Variants in NAV2 observed in about 807,000 individuals in gnomAD.
NAV2 encodes the protein neuron navigator 2.
Under a neutral mutation model 223.2 loss-of-function variants are expected in NAV2, and 54 were observed. The observed-to-expected ratio is 0.24, with a 90% confidence interval of 0.19 to 0.30. The LOEUF is 0.30. Among genes scored for constraint, NAV2 ranks in the 10% least tolerant of loss-of-function variants. The pLI, the probability that NAV2 is intolerant of heterozygous loss-of-function variation, is 1.00. For synonymous variants in NAV2, 1,279 were observed against 1,239.3 expected (o/e 1.03, Z -0.67); for missense variants, 2,806 against 3,147.5 (o/e 0.89, Z 2.60).
chr11:19,877,110 A>G (rs1311034499), intron 4 of NAV2, among the ~76,000 whole-genome samples: 6 of 152,068 alleles, frequency 3.9e-5, no homozygotes, highest in African/African-American at 1.2e-4. Flanking sequence ...ACCTAGATTC[A>G]AATCCCAGCT....
At chr11:20,051,419 T>G in intron 17 of NAV2, 86 bp downstream of exon 17, 4 of 1,289,608 alleles carry the variant, frequency 3.1e-6, no homozygotes, top group African/African-American at 1.5e-5. Flanking sequence ...GGTGGGGGTT[T>G]GGGCTGGGCT....
chr11:19,583,009 G>T (rs1035715658), intron 1 of NAV2, among the ~76,000 whole-genome samples: 1 of 152,198 alleles, frequency 6.6e-6, no homozygotes, highest in Non-Finnish European at 1.5e-5. Flanking sequence ...CTAACCATGA[G>T]CATGAAATGT....
intron 1 of NAV2, among the ~76,000 whole-genome samples, chr11:19,799,239 A>G (rs1324850903): frequency 6.6e-6 from 1 of 152,076 alleles, no homozygotes; most frequent in Non-Finnish European, 1.5e-5. Flanking sequence ...ATCTTCAAGA[A>G]CTCCAGGGAT....
intron 1 of NAV2, among the ~76,000 whole-genome samples, chr11:19,419,257 CAT>C (rs1185618798): frequency 6.6e-6 from 1 of 152,220 alleles, no homozygotes; most frequent in Non-Finnish European, 1.5e-5. Context: ...CTTTCAAAAA[CAT>C]GTGACTTTCT....
chr11:19,767,891 A>G (rs1260067388), intron 1 of NAV2, among the ~76,000 whole-genome samples: 2 of 152,248 alleles, frequency 1.3e-5, no homozygotes, highest in Non-Finnish European at 2.9e-5. Flanking sequence ...GAAGATAACC[A>G]TGAGTCTGTC....
intron 1 of NAV2, among the ~76,000 whole-genome samples, chr11:19,675,682 T>C (rs189963489): frequency 6.6e-6 from 1 of 152,254 alleles, no homozygotes; most frequent in East Asian, 1.9e-4. Flanking sequence ...CTTTGTACAG[T>C]GTGTGAGCTG....
At chr11:19,934,563 G>C (rs1392111207) in intron 7 of NAV2, among the ~76,000 whole-genome samples, 1 of 152,196 alleles carries the variant, frequency 6.6e-6, no homozygotes, top group East Asian at 1.9e-4. Context: ...CCTTGTAGCA[G>C]CAGCTTCCCT....
chr11:19,824,480 G>T (rs2059549364), intron 1 of NAV2, among the ~76,000 whole-genome samples: 1 of 152,246 alleles, frequency 6.6e-6, no homozygotes. Context: ...AGAAACCGGA[G>T]AGCAGAAACC....
At chr11:19,900,229 A>G (rs995140231) in intron 6 of NAV2, among the ~76,000 whole-genome samples, 11 of 126,282 alleles carry the variant, frequency 8.7e-5, no homozygotes, top group Non-Finnish European at 2.1e-4. Context: ...GGCAGGATGG[A>G]TTAGATGCTG....
chr11:19,921,643 C>T (rs2044278884), intron 6 of NAV2, among the ~76,000 whole-genome samples: 1 of 152,182 alleles, frequency 6.6e-6, no homozygotes, highest in South Asian at 2.1e-4. Flanking sequence ...TTTATTGTCC[C>T]TTCTCAAGGT....
chr11:19,356,019 G>C (rs1210751732), intron 1 of NAV2, among the ~76,000 whole-genome samples: 1 of 152,220 alleles, frequency 6.6e-6, no homozygotes, highest in Admixed American at 6.5e-5. Flanking sequence ...GACTGGGCCA[G>C]TGTTTGCTGC....
intron 1 of NAV2, among the ~76,000 whole-genome samples, chr11:19,523,415 G>C (rs1289727518): frequency 6.6e-6 from 1 of 152,166 alleles, no homozygotes; most frequent in Non-Finnish European, 1.5e-5. Flanking sequence ...AGCTTTCTGG[G>C]CCTCAGTTTC....
intron 1 of NAV2, among the ~76,000 whole-genome samples, chr11:19,491,274 T>C (rs920924279): frequency 6.6e-6 from 1 of 152,206 alleles, no homozygotes; most frequent in Non-Finnish European, 1.5e-5. Flanking sequence ...AAGCCAGCCA[T>C]TGAGTCTCCT....
chr11:19,577,359 C>G (rs1460144023), intron 1 of NAV2, among the ~76,000 whole-genome samples: 1 of 152,238 alleles, frequency 6.6e-6, no homozygotes, highest in Non-Finnish European at 1.5e-5. Flanking sequence ...CCTGTTGGCT[C>G]GTGCCCCTTC....
At chr11:19,669,721 A>G (rs2048524957) in intron 1 of NAV2, among the ~76,000 whole-genome samples, 1 of 152,178 alleles carries the variant, frequency 6.6e-6, no homozygotes, top group Non-Finnish European at 1.5e-5. Context: ...AGAGGGTCCT[A>G]TCCAGTACCC....
chr11:19,398,711 C>A (rs1322642018), intron 1 of NAV2, among the ~76,000 whole-genome samples: 3 of 152,164 alleles, frequency 2.0e-5, no homozygotes, highest in African/African-American at 4.8e-5. Context: ...TCTTGCTCAG[C>A]CCCTTAATTA....
At chr11:19,944,797 T>C (rs2046737422) in intron 8 of NAV2, among the ~76,000 whole-genome samples, 1 of 149,596 alleles carries the variant, frequency 6.7e-6, no homozygotes, top group Non-Finnish European at 1.5e-5. Flanking sequence ...TGGCTGGCTT[T>C]CTGTCTGTCT....
At chr11:19,886,149 T>TC (rs1274464005) in intron 5 of NAV2, among the ~76,000 whole-genome samples, 1 of 151,528 alleles carries the variant, frequency 6.6e-6, no homozygotes, top group Non-Finnish European at 1.5e-5. Context: ...AGCTAATTTT[T>TC]TTTTTTTTTT....
At chr11:19,580,941 A>G (rs1216687424) in intron 1 of NAV2, among the ~76,000 whole-genome samples, 1 of 152,198 alleles carries the variant, frequency 6.6e-6, no homozygotes, top group Non-Finnish European at 1.5e-5. Flanking sequence ...ATCCTATCCT[A>G]CATTTGGTTC....
Sources: gnomAD v4.1 joint callset for allele counts (sites outside exome capture counted in the v4.1 genomes callset) on GRCh38, gnomAD v4.1.1 for gene constraint, MANE v1.5 for transcripts, NCBI Gene and HGNC (gene_info 2026-07-23, HGNC 2026-07-21) for gene names.